TRPM3: variants seen among roughly 807,000 people sequenced by gnomAD.
The protein encoded by TRPM3 is long transient receptor potential channel 3.
Under a neutral mutation model 181.2 loss-of-function variants are expected in TRPM3, and 77 were observed. The ratio of observed to expected loss-of-function variants is 0.42; its 90% CI spans 0.35 to 0.51. The LOEUF is 0.51. TRPM3 is among the 20% of genes least tolerant of loss of function. TRPM3 has a pLI of 0.01. For synonymous variants in TRPM3, 745 were observed against 796.4 expected (o/e 0.94, Z 1.09); for missense variants, 1,759 against 2,196.7 (o/e 0.80, Z 3.98).
At chr9:71,166,335 G>A (rs1487412819) in intron 1 of TRPM3, among the ~76,000 whole-genome samples, 1 of 152,098 alleles carries the variant, frequency 6.6e-6, no homozygotes, top group African/African-American at 2.4e-5. Context: ...AGAAGGAAAC[G>A]AGCAGCCCAG....
At chr9:71,220,986 T>TGACTTCATATC (rs2080205820) in intron 1 of TRPM3, among the ~76,000 whole-genome samples, 2 of 152,114 alleles carry the variant, frequency 1.3e-5, no homozygotes, top group African/African-American at 4.8e-5. Flanking sequence ...TCCAAGGTAG[T>TGACTTCATATC]ACAATGTGAG....
intron 1 of TRPM3, among the ~76,000 whole-genome samples, chr9:70,964,265 A>T (rs1307772666): frequency 1.3e-5 from 2 of 152,134 alleles, no homozygotes; most frequent in South Asian, 2.1e-4. Context: ...TTTATTTTAC[A>T]GTATATAACC....
chr9:70,812,645 G>A (rs548674465), intron 6 of TRPM3, among the ~76,000 whole-genome samples: 26 of 152,232 alleles, frequency 1.7e-4, no homozygotes, highest in African/African-American at 6.0e-4. Context: ...GTTTCAAATA[G>A]ACAACACCAC....
At chr9:71,221,390 A>C (rs1227033906) in intron 1 of TRPM3, among the ~76,000 whole-genome samples, 1 of 152,254 alleles carries the variant, frequency 6.6e-6, no homozygotes, top group East Asian at 1.9e-4. Flanking sequence ...AAATACATAT[A>C]AGTTTAAATT....
At chr9:71,164,182 A>C (rs1306396338) in intron 1 of TRPM3, among the ~76,000 whole-genome samples, 1 of 152,238 alleles carries the variant, frequency 6.6e-6, no homozygotes, top group African/African-American at 2.4e-5. Flanking sequence ...TTGGCTGGAC[A>C]ACCACTTCAT....
chr9:70,888,169 A>G (rs574979861), intron 1 of TRPM3, among the ~76,000 whole-genome samples: 41 of 152,308 alleles, frequency 2.7e-4, no homozygotes, highest in African/African-American at 8.4e-4. Flanking sequence ...GCTATCCCCA[A>G]GTCACTATAA....
intron 1 of TRPM3, among the ~76,000 whole-genome samples, chr9:71,006,477 T>C (rs976791451): frequency 6.6e-6 from 1 of 150,668 alleles, no homozygotes; most frequent in Admixed American, 6.6e-5. Context: ...GATACACACA[T>C]ATTGAAAGTG....
At chr9:71,203,611 A>T (rs1054363583) in intron 1 of TRPM3, among the ~76,000 whole-genome samples, 23 of 152,180 alleles carry the variant, frequency 1.5e-4, no homozygotes, top group Non-Finnish European at 2.2e-4. Context: ...GTGTGACCTT[A>T]GGCATGTTAC....
chr9:70,564,065 G>A (rs1050870672), intron 22 of TRPM3, among the ~76,000 whole-genome samples: 4 of 152,190 alleles, frequency 2.6e-5, no homozygotes, highest in African/African-American at 9.6e-5. Flanking sequence ...TTTCATCAGA[G>A]AAGGGAGGGG....
At chr9:70,792,328 GAGGA>G (rs1376737608) in intron 6 of TRPM3, among the ~76,000 whole-genome samples, 1 of 152,020 alleles carries the variant, frequency 6.6e-6, no homozygotes, top group Non-Finnish European at 1.5e-5. Flanking sequence ...CCAACCATGT[GAGGA>G]AGGTAAGCCA....
intron 1 of TRPM3, among the ~76,000 whole-genome samples, chr9:71,078,344 G>C (rs568482462): frequency 6.6e-6 from 1 of 152,256 alleles, no homozygotes; most frequent in Admixed American, 6.5e-5. Flanking sequence ...AATATGTAAA[G>C]TATCTTCCCA....
intron 1 of TRPM3, among the ~76,000 whole-genome samples, chr9:70,925,857 G>T (rs1280386373): frequency 6.6e-6 from 1 of 151,812 alleles, no homozygotes; most frequent in Non-Finnish European, 1.5e-5. Flanking sequence ...CTCTTTCCTG[G>T]GTTAAGAATA....
chr9:71,446,718 A>G, exon 1 of TRPM3: 2 of 1,550,494 alleles, frequency 1.3e-6, no homozygotes, highest in Non-Finnish European at 1.7e-6. Context: ...AACCTTTTCC[A>G]CGACTCGGCA....
chr9:71,043,685 C>CA (rs1192287732), intron 1 of TRPM3, among the ~76,000 whole-genome samples: 22 of 152,314 alleles, frequency 1.4e-4, no homozygotes, highest in Non-Finnish European at 2.8e-4. Flanking sequence ...TCAGCATCAG[C>CA]TGGGAATTTT....
At chr9:71,307,413 ATT>A (rs2087456072) in intron 1 of TRPM3, among the ~76,000 whole-genome samples, 1 of 152,072 alleles carries the variant, frequency 6.6e-6, no homozygotes, top group South Asian at 2.1e-4. Flanking sequence ...TAAGTATTCA[ATT>A]TTCTTTTATT....
At chr9:70,998,164 C>CAT (rs1424987418) in intron 1 of TRPM3, among the ~76,000 whole-genome samples, 1 of 136,362 alleles carries the variant, frequency 7.3e-6, no homozygotes, top group South Asian at 2.3e-4. Flanking sequence ...TACATATATA[C>CAT]ATATATACAC....
At chr9:71,173,792 T>C (rs2076978189) in intron 1 of TRPM3, among the ~76,000 whole-genome samples, 1 of 152,238 alleles carries the variant, frequency 6.6e-6, no homozygotes, top group Non-Finnish European at 1.5e-5. Flanking sequence ...AATTTGTTTT[T>C]AGATTTATTA....
At chr9:70,750,155 C>A (rs1008476444) in intron 8 of TRPM3, among the ~76,000 whole-genome samples, 1 of 152,112 alleles carries the variant, frequency 6.6e-6, no homozygotes, top group African/African-American at 2.4e-5. Context: ...TGTTGAAAAT[C>A]AGAGTAAGCA....
intron 1 of TRPM3, among the ~76,000 whole-genome samples, chr9:71,294,424 A>G (rs1448769417): frequency 6.6e-6 from 1 of 152,082 alleles, no homozygotes; most frequent in Non-Finnish European, 1.5e-5. Flanking sequence ...AGGAGATACC[A>G]TTTCACACCT....
Sources: allele counts gnomAD v4.1 joint callset (sites outside exome capture counted in the v4.1 genomes callset), GRCh38; gene constraint gnomAD v4.1.1; transcripts MANE v1.5; gene names NCBI Gene and HGNC (gene_info 2026-07-23, HGNC 2026-07-21).